Variants in FEZ1 observed in about 807,000 individuals in gnomAD.
FEZ1 encodes fasciculation and elongation protein zeta-1.
In FEZ1, 20 loss-of-function variants were observed where a neutral mutation model predicts 49.3. The observed-to-expected ratio is 0.41, with a 90% CI of 0.29 to 0.59. FEZ1 has a LOEUF of 0.59. FEZ1 is among the 20% of genes least tolerant of loss of function. The pLI, the probability that FEZ1 is intolerant of heterozygous loss-of-function variation, is 0.36. For missense variants in FEZ1, 413 were observed against 476.0 expected (o/e 0.87, Z 1.23); for synonymous variants, 170 against 180.9 (o/e 0.94, Z 0.48).
chr11:125,447,502 G>A (rs1161578272), intron 9 of FEZ1, among the ~76,000 whole-genome samples: 1 of 152,224 alleles, frequency 6.6e-6, no homozygotes, highest in East Asian at 1.9e-4. Context: ...GGGAAAAACA[G>A]GGAATACTGA....
intron 2 of FEZ1, among the ~76,000 whole-genome samples, chr11:125,488,187 G>C (rs1957344325): frequency 6.6e-6 from 1 of 152,162 alleles, no homozygotes; most frequent in Non-Finnish European, 1.5e-5. Context: ...GAAAGAGAGA[G>C]AGAAAGAGAG....
Position 125,445,386 on chromosome 11 carries a change from A to G in FEZ1, c.*709T>C, listed in dbSNP as rs1038899125. 6.6e-6 allele frequency among the ~76,000 whole-genome samples: 1 copy of G among 152,210 alleles called. No homozygotes were observed. Among genetic ancestry groups the G allele is most frequent in the Non-Finnish European group, 1.5e-5 (1 of 68,036 alleles). On this transcript the variant is annotated 3_prime_UTR_variant, in exon 10 of 10. Transcript: ENST00000278919. This position sits in a 1 kb window ranked among gnomAD's most constrained non-coding sequence, Gnocchi z 4.4. ...TCTCCAGGGCCAGCCTGGCCATCCCACCAGGAGATCTGCAGCTGTGTGGCT... is the reference window on the plus strand; with the variant it reads ...TCTCCAGGGCCAGCCTGGCCATCCCGCCAGGAGATCTGCAGCTGTGTGGCT...
chr11:125,455,636 G>A (rs1957002505), intron 6 of FEZ1, 199 bp downstream of exon 6: 1 of 668,916 alleles, frequency 1.5e-6, no homozygotes, highest in Admixed American at 2.3e-5. Flanking sequence ...GTCTTCCTGG[G>A]TTAGACTGTG....
chr11:125,467,385 G>A (rs567244459), intron 3 of FEZ1, among the ~76,000 whole-genome samples: 1 of 152,300 alleles, frequency 6.6e-6, no homozygotes, highest in East Asian at 1.9e-4. Flanking sequence ...ACATCTGCGT[G>A]GATTAAGTCA....
intron 4 of FEZ1, 98 bp downstream of exon 4, chr11:125,463,386 T>C: frequency 1.4e-6 from 1 of 733,766 alleles, no homozygotes; most frequent in Non-Finnish European, 2.4e-6. Flanking sequence ...ACCACATATC[T>C]TTCTTCTGCC....
chr11:125,478,295 A>G (rs1436564371), intron 3 of FEZ1, among the ~76,000 whole-genome samples: 1 of 152,158 alleles, frequency 6.6e-6, no homozygotes, highest in African/African-American at 2.4e-5. Context: ...TACAAAAATT[A>G]GCTGAGCATG....
intron 2 of FEZ1, among the ~76,000 whole-genome samples, chr11:125,482,974 T>TAAAAA (rs56169482): frequency 4.2e-4 from 12 of 28,758 alleles, no homozygotes; most frequent in Non-Finnish European, 5.2e-4. Flanking sequence ...CAAGACACTG[T>TAAAAA]AAAAAAAAAA....
chr11:125,470,043 A>G (rs1957170684), intron 3 of FEZ1, among the ~76,000 whole-genome samples: 1 of 152,164 alleles, frequency 6.6e-6, no homozygotes, highest in Non-Finnish European at 1.5e-5. Context: ...ATATGAAAAG[A>G]TGCTCAAGGA....
rs1956918809 is a variant in FEZ1 at position 125,448,576 on chromosome 11, G to C, written c.1097-9C>G. 1 of 1,597,086 alleles carries C rather than the reference G, an allele frequency of 6.3e-7. No homozygotes were observed. On this transcript the variant is annotated splice_polypyrimidine_tract_variant and intron_variant, in intron 8 of 9. Transcript: ENST00000278919. ...CTTCATGGCAAAGAGAACTAGGAAA[G>C]GAGACAGAGAGAGGAACTAAGATAC...
intron 5 of FEZ1, among the ~76,000 whole-genome samples, chr11:125,458,066 GC>G (rs1303368739): frequency 3.3e-5 from 5 of 152,190 alleles, no homozygotes; most frequent in African/African-American, 1.2e-4. Flanking sequence ...AGTCGGGAAT[GC>G]AGCGAGGCAG....
Position 125,445,886 on chromosome 11 carries a change from C to T in FEZ1, c.*209G>A, listed in dbSNP as rs560916786. ...CCTGACACCAGCAAGGGGGAGGCAC[C>T]ATCACCGGCCCTGCCCCATCATGCA... On this transcript the variant is annotated 3_prime_UTR_variant, in exon 10 of 10. Transcript: ENST00000278919. This position sits in a 1 kb window ranked among gnomAD's most constrained non-coding sequence, Gnocchi z 4.4. 45 of 607,862 alleles carry T rather than the reference C, an allele frequency of 7.4e-5. No individual in the cohort carries two copies. The highest frequency in any genetic ancestry group is 5.4e-4 in the African/African-American group (30 of 55,568). The allele number at this position is 607,862 out of a possible 1,614,324, so 37.7% of individuals were successfully genotyped here.
chr11:125,447,679 G>C (rs953512923), intron 9 of FEZ1, among the ~76,000 whole-genome samples: 3 of 152,048 alleles, frequency 2.0e-5, no homozygotes, highest in Non-Finnish European at 4.4e-5. Flanking sequence ...AAAATTAGTT[G>C]AGCATGGTGG....
intron 2 of FEZ1, among the ~76,000 whole-genome samples, chr11:125,482,581 C>T (rs532541710): frequency 6.6e-6 from 1 of 152,186 alleles, no homozygotes; most frequent in African/African-American, 2.4e-5. Flanking sequence ...CAGGAAGATA[C>T]ATAAATTATT....
At chr11:125,451,052 T>C (rs1385306528) in intron 8 of FEZ1, among the ~76,000 whole-genome samples, 1 of 152,228 alleles carries the variant, frequency 6.6e-6, no homozygotes, top group Non-Finnish European at 1.5e-5. Flanking sequence ...TGAATGGGTA[T>C]CTGCAACAAA....
At chr11:125,475,720 C>A (rs1206728925) in intron 3 of FEZ1, among the ~76,000 whole-genome samples, 1 of 151,900 alleles carries the variant, frequency 6.6e-6, no homozygotes, top group African/African-American at 2.4e-5. Flanking sequence ...TGCACATGTA[C>A]CCCTGAACTT....
At position 125,463,574 on chromosome 11, in the gene FEZ1, G is replaced by T; in HGVS notation, c.412-4C>A. Reference sequence around the variant, plus strand: ...CTTCCTCTTCTTTCTCATGGATCTGGAGAGGAGGTGGGGAGATGGAATTCT... The same window carrying T: ...CTTCCTCTTCTTTCTCATGGATCTGTAGAGGAGGTGGGGAGATGGAATTCT... On this transcript the variant is annotated splice_region_variant and splice_polypyrimidine_tract_variant and intron_variant, in intron 3 of 9. Transcript: ENST00000278919. The T allele has an allele frequency of 6.3e-7, 1 of 1,583,598 alleles. No homozygotes were observed. The highest frequency in any genetic ancestry group is 1.1e-5 in the South Asian group (1 of 90,386).
Position 125,495,191 on chromosome 11 carries a change from G to A in FEZ1, c.-46+930C>T. 5.6e-6 allele frequency: 2 copies of A among 358,168 alleles called. No individual in the cohort carries two copies. Among genetic ancestry groups the A allele is most frequent in the South Asian group, 4.3e-5 (2 of 46,910 alleles). The allele number at this position is 358,168 out of a possible 1,614,324, so 22.2% of individuals were successfully genotyped here. A position where few individuals can be genotyped will look rare whatever the true frequency, so the allele number is the denominator to read the frequency against. ...CCCCCTCCTCCCCCCAGTCCGGTGG[G>A]GTAAAGAAAGCCTCCTCCAGGCAGC... On this transcript the variant is annotated intron_variant, in intron 1 of 9. Coordinates refer to ENST00000278919, the MANE Select transcript of FEZ1 (RefSeq NM_005103.5). The surrounding 1 kb of genome is among the most constrained non-coding windows in gnomAD (Gnocchi z 4.2).
intron 3 of FEZ1, among the ~76,000 whole-genome samples, chr11:125,476,117 A>G (rs912869135): frequency 3.3e-5 from 5 of 152,236 alleles, no homozygotes; most frequent in African/African-American, 1.2e-4. Flanking sequence ...AACGACAGAA[A>G]GCAGATAAGT....
intron 5 of FEZ1, among the ~76,000 whole-genome samples, chr11:125,456,949 T>C (rs115387945): frequency 0.019 from 2,906 of 152,158 alleles, 75 homozygotes; most frequent in African/African-American, 0.062. Flanking sequence ...ATTGGAAGGC[T>C]GCGATGTGCG....
Sources: allele counts gnomAD v4.1 joint callset (sites outside exome capture counted in the v4.1 genomes callset), GRCh38; gene constraint gnomAD v4.1.1; non-coding constraint Gnocchi (gnomAD v3.1); transcripts MANE v1.5; gene names NCBI Gene and HGNC (gene_info 2026-07-23, HGNC 2026-07-21).